Variants in NPAS3 observed in about 807,000 individuals in gnomAD.
NPAS3 encodes neuronal PAS domain-containing protein 3.
A neutral mutation model predicts 73.1 loss-of-function variants in NPAS3; 14 were observed. That is an observed-to-expected ratio of 0.19 (90% CI 0.13 to 0.30). The LOEUF is 0.30. Ranked by LOEUF, NPAS3 falls within the 10% of genes least tolerant of loss-of-function variation. NPAS3 has a pLI of 1.00. For missense variants in NPAS3, 1,096 were observed against 1,250.0 expected (o/e 0.88, Z 1.86); for synonymous variants, 620 against 541.5 (o/e 1.14, Z -2.01).
At chr14:33,391,866 T>C (rs1031659915) in intron 4 of NPAS3, among the ~76,000 whole-genome samples, 7 of 152,188 alleles carry the variant, frequency 4.6e-5, no homozygotes, top group Non-Finnish European at 8.8e-5. Flanking sequence ...CTCCCAGATA[T>C]ACTTAATTTC....
At chr14:33,801,045 T>G in exon 12 of NPAS3, 2 of 1,594,172 alleles carry the variant, frequency 1.3e-6, no homozygotes, top group Non-Finnish European at 8.5e-7. Context: ...TTCTCCACGC[T>G]GCCCTTCCCC....
chr14:33,478,958 T>C (rs1199034859), intron 4 of NPAS3, among the ~76,000 whole-genome samples: 6 of 152,186 alleles, frequency 3.9e-5, no homozygotes, highest in African/African-American at 1.2e-4. Context: ...CAATAACTTG[T>C]TCATTGGCCA....
intron 6 of NPAS3, among the ~76,000 whole-genome samples, chr14:33,681,790 A>C (rs932923910): frequency 1.8e-4 from 27 of 152,218 alleles, no homozygotes; most frequent in African/African-American, 6.3e-4. Context: ...TCACATGGTG[A>C]GTACAGCATT....
At chr14:33,635,951 CT>C (rs368594465) in intron 5 of NPAS3, among the ~76,000 whole-genome samples, 74 of 150,650 alleles carry the variant, frequency 4.9e-4, no homozygotes, top group African/African-American at 1.8e-3. Context: ...CTAGACCTAA[CT>C]TTTTTTTTTA....
intron 5 of NPAS3, among the ~76,000 whole-genome samples, chr14:33,596,446 G>A (rs2057244952): frequency 6.6e-6 from 1 of 152,134 alleles, no homozygotes; most frequent in Admixed American, 6.5e-5. Context: ...ATCATAAATT[G>A]AGAAATAGTG....
intron 2 of NPAS3, chr14:33,214,554 T>A (rs1171714236): frequency 6.6e-6 from 1 of 152,288 alleles, no homozygotes; most frequent in Non-Finnish European, 1.5e-5. Flanking sequence ...TATGCTCTTA[T>A]CAAGCAGTTA....
At chr14:33,398,115 C>A (rs1252104062) in intron 4 of NPAS3, among the ~76,000 whole-genome samples, 1 of 152,034 alleles carries the variant, frequency 6.6e-6, no homozygotes, top group Non-Finnish European at 1.5e-5. Context: ...GTTCTAGTGG[C>A]AGCTGGGTCT....
intron 4 of NPAS3, among the ~76,000 whole-genome samples, chr14:33,437,281 G>A (rs2049029585): frequency 6.6e-6 from 1 of 152,184 alleles, no homozygotes; most frequent in Non-Finnish European, 1.5e-5. Context: ...AAAATTCACA[G>A]AGATGGTGAT....
intron 5 of NPAS3, chr14:33,612,439 G>T (rs760419719): frequency 6.6e-6 from 3 of 455,888 alleles, no homozygotes. Flanking sequence ...CAGTCACATC[G>T]ACGTCCAAGC....
intron 2 of NPAS3, among the ~76,000 whole-genome samples, chr14:33,206,363 G>A (rs2046822394): frequency 6.6e-6 from 1 of 152,016 alleles, no homozygotes; most frequent in African/African-American, 2.4e-5. Context: ...AAGGATCCTG[G>A]TTTGCCCAGG....
chr14:33,382,821 G>A (rs2046613819), intron 4 of NPAS3, among the ~76,000 whole-genome samples: 1 of 152,116 alleles, frequency 6.6e-6, no homozygotes. Context: ...AGCTAGGCAT[G>A]GTGGATCACA....
At position 33,017,099 on chromosome 14, in the gene NPAS3, T is replaced by C. The variant is rs58458930; in HGVS notation, c.51-38806T>C. 2.6e-3 allele frequency among the ~76,000 whole-genome samples: 394 copies of C among 152,280 alleles called. 1 individual carries two copies. The highest frequency in any genetic ancestry group is 9.0e-3 in the African/African-American group (376 of 41,568). ...TCGCTACAAATTCATCTCATGGCAC[T>C]AAAGGAATTTTCAGCTGGGACTTTG... On this transcript the variant is annotated intron_variant, in intron 1 of 11. Coordinates refer to ENST00000356141, the Ensembl canonical transcript of NPAS3.
intron 4 of NPAS3, among the ~76,000 whole-genome samples, chr14:33,464,256 G>A (rs1264015867): frequency 6.6e-6 from 1 of 152,126 alleles, no homozygotes; most frequent in East Asian, 1.9e-4. Context: ...TTCTGTGTGG[G>A]ACTCTCTAGT....
At chr14:33,752,235 CATTTT>C (rs1036045186) in intron 7 of NPAS3, among the ~76,000 whole-genome samples, 2 of 152,108 alleles carry the variant, frequency 1.3e-5, no homozygotes, top group African/African-American at 2.4e-5. Context: ...TCAGCTGCTT[CATTTT>C]ATTTTATTTT....
At chr14:33,603,641 G>C (rs61972987) in intron 5 of NPAS3, among the ~76,000 whole-genome samples, 2 of 152,082 alleles carry the variant, frequency 1.3e-5, no homozygotes, top group African/African-American at 4.8e-5. Flanking sequence ...ATAGGAAGTT[G>C]GGAAATATAT....
rs746899399 is a variant in NPAS3, at chr14:33,800,151, G to A, written c.1844G>A (p.Arg615Gln). 2.5e-6 allele frequency: 4 copies of A among 1,597,798 alleles called. No individual in the cohort carries two copies. Among genetic ancestry groups the A allele is most frequent in the Non-Finnish European group, 3.4e-6 (4 of 1,173,302 alleles). ...CAAAAGGGCGGCAGCGCCAGCCGCC[G>A]GCGCCTGTCCAGCGCGTCGAGCCCA... Residue 615 changes from arginine to glutamine, a missense_variant, in exon 12 of 12, where the codon CGG becomes CAG. By Grantham distance (43) the Arg-to-Gln change is conservative (BLOSUM62 1). This residue lies in a region of NPAS3 where 698 missense variants were observed against 676.7 expected (regional missense o/e 1.03). Coordinates refer to ENST00000356141, the Ensembl canonical transcript of NPAS3. The surrounding 1 kb of genome is among the most constrained non-coding windows in gnomAD (Gnocchi z 6.5).
chr14:33,323,053 G>A (rs2043528622), intron 3 of NPAS3, among the ~76,000 whole-genome samples: 1 of 152,032 alleles, frequency 6.6e-6, no homozygotes, highest in African/African-American at 2.4e-5. Flanking sequence ...CAAAGAAAGG[G>A]GCCATGTGTA....
At chr14:33,580,388 C>T (rs2056614920) in intron 5 of NPAS3, among the ~76,000 whole-genome samples, 1 of 152,114 alleles carries the variant, frequency 6.6e-6, no homozygotes, top group Admixed American at 6.5e-5. Flanking sequence ...TTAATAATTC[C>T]CTTCTAAGAT....
intron 4 of NPAS3, among the ~76,000 whole-genome samples, chr14:33,499,897 G>C (rs1361763819): frequency 6.6e-6 from 1 of 151,876 alleles, no homozygotes; most frequent in Non-Finnish European, 1.5e-5. Flanking sequence ...AAGAATGCCT[G>C]GTCTGTGTTT....
Sources: gnomAD v4.1 joint callset for allele counts (sites outside exome capture counted in the v4.1 genomes callset) on GRCh38, gnomAD v4.1.1 for gene constraint, gnomAD v4.1.1 regional missense constraint, Gnocchi (gnomAD v3.1) non-coding constraint, MANE v1.5 for transcripts, NCBI Gene and HGNC (gene_info 2026-07-23, HGNC 2026-07-21) for gene names.